The following FRMD4A variants were observed in gnomAD, a reference collection of about 807,000 sequenced individuals.
FRMD4A encodes FERM domain-containing protein 4A.
In FRMD4A, 29 loss-of-function variants were observed where a neutral mutation model predicts 129.1. The ratio of observed to expected loss-of-function variants is 0.22; its 90% confidence interval spans 0.17 to 0.31. The LOEUF is 0.31. FRMD4A is among the 10% of genes least tolerant of loss of function. The pLI, the probability that FRMD4A is intolerant of heterozygous loss-of-function variation, is 1.00. For missense variants in FRMD4A, 1,272 were observed against 1,375.8 expected (o/e 0.92, Z 1.19); for synonymous variants, 634 against 571.6 (o/e 1.11, Z -1.56).
At chr10:13,868,789 A>T (rs1016474730) in intron 2 of FRMD4A, among the ~76,000 whole-genome samples, 2 of 152,060 alleles carry the variant, frequency 1.3e-5, no homozygotes, top group South Asian at 4.2e-4. Context: ...ACCGAGTGAG[A>T]TCCTGTCTCA....
chr10:14,309,924 C>A (rs1846483332), intron 2 of FRMD4A, among the ~76,000 whole-genome samples: 1 of 151,448 alleles, frequency 6.6e-6, no homozygotes, highest in Non-Finnish European at 1.5e-5. Flanking sequence ...GAGTCCCCCA[C>A]CGTCCCCTGC....
chr10:14,093,945 G>C (rs1371135380), intron 2 of FRMD4A, among the ~76,000 whole-genome samples: 1 of 152,214 alleles, frequency 6.6e-6, no homozygotes, highest in Non-Finnish European at 1.5e-5. Flanking sequence ...CTGGGAAGAA[G>C]ATGCTTTTTT....
chr10:14,056,792 C>A (rs1053139482), intron 2 of FRMD4A, among the ~76,000 whole-genome samples: 2 of 152,182 alleles, frequency 1.3e-5, no homozygotes, highest in East Asian at 3.8e-4. Flanking sequence ...CTCTTTGCTG[C>A]TTCTTTGTTT....
intron 2 of FRMD4A, among the ~76,000 whole-genome samples, chr10:14,129,971 G>A (rs1050565463): frequency 6.6e-6 from 1 of 152,144 alleles, no homozygotes. Context: ...CCTCTTGGTT[G>A]TCTTGCTATG....
chr10:14,005,657 G>T (rs558151503), intron 2 of FRMD4A, among the ~76,000 whole-genome samples: 1 of 152,172 alleles, frequency 6.6e-6, no homozygotes, highest in South Asian at 2.1e-4. Context: ...CTTTTCTCAG[G>T]GCCAGGCTGC....
At chr10:14,143,680 T>C (rs1371307057) in intron 2 of FRMD4A, among the ~76,000 whole-genome samples, 2 of 152,186 alleles carry the variant, frequency 1.3e-5, no homozygotes, top group African/African-American at 4.8e-5. Context: ...AATGGTGCGA[T>C]CTGAGCTCAT....
At chr10:14,174,534 G>GTTCATTCATTCATTCATTCA (rs3033997) in intron 2 of FRMD4A, among the ~76,000 whole-genome samples, 66 of 150,514 alleles carry the variant, frequency 4.4e-4, no homozygotes, top group African/African-American at 1.1e-3. Context: ...GCGTTTGTTC[G>GTTCATTCATTCATTCATTCA]TTCATTCATT....
intron 2 of FRMD4A, among the ~76,000 whole-genome samples, chr10:14,226,668 G>C (rs1197095821): frequency 3.3e-5 from 5 of 152,112 alleles, no homozygotes; most frequent in Non-Finnish European, 4.4e-5. Flanking sequence ...GGCGGGTTAG[G>C]ACTCCAACAT....
chr10:14,138,564 G>C (rs1268620121), intron 2 of FRMD4A, among the ~76,000 whole-genome samples: 1 of 152,020 alleles, frequency 6.6e-6, no homozygotes, highest in African/African-American at 2.4e-5. Flanking sequence ...ATTGAGACCA[G>C]CCTGGCCAAC....
chr10:13,807,529 T>G (rs578011976), intron 4 of FRMD4A, among the ~76,000 whole-genome samples: 3 of 151,404 alleles, frequency 2.0e-5, no homozygotes, highest in Admixed American at 6.6e-5. Flanking sequence ...GAAAGCAGAC[T>G]TAGCATTAAT....
chr10:13,864,986 T>C (rs1175710559), intron 2 of FRMD4A, among the ~76,000 whole-genome samples: 1 of 152,188 alleles, frequency 6.6e-6, no homozygotes, highest in Admixed American at 6.5e-5. Flanking sequence ...TTTTTATTTA[T>C]TTTTTTGAGA....
At chr10:13,781,842 T>C (rs1397653489) in intron 6 of FRMD4A, among the ~76,000 whole-genome samples, 1 of 152,022 alleles carries the variant, frequency 6.6e-6, no homozygotes, top group African/African-American at 2.4e-5. Flanking sequence ...GGAAGTTGTT[T>C]AATGAGTACA....
intron 2 of FRMD4A, among the ~76,000 whole-genome samples, chr10:14,069,554 A>G (rs1835219129): frequency 6.6e-6 from 1 of 152,230 alleles, no homozygotes; most frequent in Non-Finnish European, 1.5e-5. Context: ...GACAGCATGC[A>G]GAAAATACTG....
At position 14,209,523 on chromosome 10, in the gene FRMD4A, C is replaced by A. The variant is rs541583140; in HGVS notation, c.45+120535G>T. Reference sequence around the variant, plus strand: ...CACTTTGAGGTCAGGAGATCAAGACCATCCTGGCTAACATGGTGAAACCCC... The same window carrying A: ...CACTTTGAGGTCAGGAGATCAAGACAATCCTGGCTAACATGGTGAAACCCC... On this transcript the variant is annotated intron_variant, in intron 2 of 24. Transcript: ENST00000357447. Among the ~76,000 whole-genome samples, 9 of 152,088 alleles carry A rather than the reference C, an allele frequency of 5.9e-5. No individual in the cohort carries two copies. In the East Asian group the frequency reaches 1.7e-3, roughly 29 times the overall value.
intron 2 of FRMD4A, among the ~76,000 whole-genome samples, chr10:14,218,627 G>A (rs1049582341): frequency 6.6e-6 from 1 of 152,074 alleles, no homozygotes; most frequent in African/African-American, 2.4e-5. Flanking sequence ...GCCCAGGTGC[G>A]GGGATTGCCT....
rs144243794 is a variant in FRMD4A, at chr10:14,053,366, G to A, written c.46-194454C>T. On this transcript the variant is annotated intron_variant, in intron 2 of 24. Coordinates refer to ENST00000357447, the MANE Select transcript of FRMD4A (RefSeq NM_018027.5). ...TAAACAAACACCTCTCACAACATGA[G>A]GATTACGGGGCAAGGGTGTGCAGGG... Among the ~76,000 whole-genome samples the A allele has an allele frequency of 2.0e-3, 312 of 152,254 alleles. 1 individual carries two copies. Among genetic ancestry groups the A allele is most frequent in the African/African-American group, 7.2e-3 (299 of 41,530 alleles).
intron 2 of FRMD4A, among the ~76,000 whole-genome samples, chr10:14,042,224 T>C (rs1833806320): frequency 6.6e-6 from 1 of 152,250 alleles, no homozygotes; most frequent in Non-Finnish European, 1.5e-5. Flanking sequence ...CAAGCAAGCA[T>C]TAGGTCATAG....
intron 2 of FRMD4A, among the ~76,000 whole-genome samples, chr10:14,221,665 T>A (rs1051572970): frequency 6.6e-6 from 1 of 151,702 alleles, no homozygotes; most frequent in Non-Finnish European, 1.5e-5. Context: ...GCTCAAGTGA[T>A]CCTCCCGCCT....
intron 2 of FRMD4A, among the ~76,000 whole-genome samples, chr10:14,220,306 C>T (rs1316791291): frequency 6.6e-6 from 1 of 152,252 alleles, no homozygotes; most frequent in Non-Finnish European, 1.5e-5. Context: ...CGGGAAACAG[C>T]TCTGGCTTTA....
Sources: allele counts gnomAD v4.1 joint callset (sites outside exome capture counted in the v4.1 genomes callset), GRCh38; gene constraint gnomAD v4.1.1; transcripts MANE v1.5; gene names NCBI Gene and HGNC (gene_info 2026-07-23, HGNC 2026-07-21).